The following PCDH15 variants were observed in gnomAD, a reference collection of about 807,000 sequenced individuals.
The protein encoded by PCDH15 is protocadherin related 15.
In PCDH15, 129 loss-of-function variants were observed where a neutral mutation model predicts 178.5. The ratio of observed to expected loss-of-function variants is 0.72; its 90% CI spans 0.63 to 0.84. The LOEUF is 0.84. PCDH15 is among the 40% of genes least tolerant of loss of function. PCDH15 has a pLI of 0.00. For missense variants in PCDH15, 2,230 were observed against 2,099.9 expected (o/e 1.06, Z -1.21); for synonymous variants, 800 against 732.0 (o/e 1.09, Z -1.50).
intron 6 of PCDH15, among the ~76,000 whole-genome samples, chr10:54,332,069 C>A (rs1448765668): frequency 6.6e-6 from 1 of 150,380 alleles, no homozygotes; most frequent in African/African-American, 2.4e-5. Flanking sequence ...GGAGAAATAG[C>A]TAACATGCTA....
intron 3 of PCDH15, among the ~76,000 whole-genome samples, chr10:54,480,308 AGTT>A (rs1475143401): frequency 6.6e-6 from 1 of 152,080 alleles, no homozygotes; most frequent in Non-Finnish European, 1.5e-5. Context: ...GACATTTAGT[AGTT>A]AAGAGACTTG....
At chr10:53,875,560 G>A (rs1301526417) in intron 26 of PCDH15, among the ~76,000 whole-genome samples, 17 of 151,850 alleles carry the variant, frequency 1.1e-4, no homozygotes, top group Admixed American at 1.1e-3. Flanking sequence ...TGGGAGAGGT[G>A]ACTCTGGAAG....
intron 3 of PCDH15, among the ~76,000 whole-genome samples, chr10:54,811,506 C>G (rs1238533484): frequency 6.6e-6 from 1 of 152,110 alleles, no homozygotes; most frequent in African/African-American, 2.4e-5. Flanking sequence ...TATTTGTGCT[C>G]TGTCACCAGA....
chr10:54,188,466 T>C (rs2048674405), intron 11 of PCDH15, among the ~76,000 whole-genome samples: 1 of 151,748 alleles, frequency 6.6e-6, no homozygotes, highest in Non-Finnish European at 1.5e-5. Context: ...ACACAGAGAG[T>C]TGATTAAAAA....
chr10:55,438,958 G>A (rs1043739182), intron 2 of PCDH15, among the ~76,000 whole-genome samples: 2 of 151,744 alleles, frequency 1.3e-5, no homozygotes, highest in South Asian at 4.2e-4. Flanking sequence ...GAGTGCAGTG[G>A]CACGATCTCG....
At chr10:55,525,745 G>A (rs1002158708) in intron 2 of PCDH15, among the ~76,000 whole-genome samples, 5 of 151,734 alleles carry the variant, frequency 3.3e-5, no homozygotes, top group Middle Eastern at 3.2e-3. Context: ...AATATAGCAC[G>A]TTCTTTTAAA....
At chr10:54,367,966 G>A (rs989878834) in intron 5 of PCDH15, among the ~76,000 whole-genome samples, 3 of 151,782 alleles carry the variant, frequency 2.0e-5, no homozygotes, top group African/African-American at 7.2e-5. Flanking sequence ...TTCAAAATAA[G>A]ATCATTTATA....
chr10:54,734,257 C>T (rs1025256622), intron 1 of PCDH15, among the ~76,000 whole-genome samples: 4 of 151,816 alleles, frequency 2.6e-5, no homozygotes, highest in African/African-American at 7.2e-5. Flanking sequence ...AAGTTCAGTA[C>T]AGGCACTTTA....
chr10:54,980,702 T>C (rs1282856120), intron 2 of PCDH15, among the ~76,000 whole-genome samples: 1 of 152,140 alleles, frequency 6.6e-6, no homozygotes, highest in African/African-American at 2.4e-5. Flanking sequence ...TTCTCTACTT[T>C]TCTTTATGTT....
At chr10:54,701,662 A>C (rs1005920423) in intron 1 of PCDH15, among the ~76,000 whole-genome samples, 8 of 152,166 alleles carry the variant, frequency 5.3e-5, no homozygotes, top group Non-Finnish European at 4.4e-5. Flanking sequence ...ATTTTAATTT[A>C]AGAAAAAACA....
chr10:54,023,445 G>T (rs892278269), intron 18 of PCDH15, among the ~76,000 whole-genome samples: 1 of 150,722 alleles, frequency 6.6e-6, no homozygotes, highest in East Asian at 1.9e-4. Context: ...ACTATGTTAT[G>T]ACAGAAAACT....
At chr10:54,179,575 T>C (rs2047781648) in intron 13 of PCDH15, among the ~76,000 whole-genome samples, 1 of 151,874 alleles carries the variant, frequency 6.6e-6, no homozygotes, top group Admixed American at 6.6e-5. Context: ...ATAATAATAA[T>C]AAAATAAAAT....
chr10:55,561,867 C>T (rs547516975), intron 2 of PCDH15, among the ~76,000 whole-genome samples: 1 of 151,912 alleles, frequency 6.6e-6, no homozygotes, highest in Admixed American at 6.6e-5. Context: ...ACAGTCATAA[C>T]ATTTGCTAGT....
chr10:54,666,224 A>G (rs1431565573), intron 1 of PCDH15, among the ~76,000 whole-genome samples: 1 of 152,040 alleles, frequency 6.6e-6, no homozygotes, highest in Non-Finnish European at 1.5e-5. Context: ...AAAGTCTTAA[A>G]TACAGATTTA....
At chr10:54,431,479 A>G (rs1207381039) in intron 3 of PCDH15, among the ~76,000 whole-genome samples, 1 of 152,214 alleles carries the variant, frequency 6.6e-6, no homozygotes, top group Admixed American at 6.5e-5. Context: ...GTGATACAGC[A>G]TATCAACAGA....
At chr10:54,753,447 G>A (rs1946609319) in intron 1 of PCDH15, among the ~76,000 whole-genome samples, 1 of 152,002 alleles carries the variant, frequency 6.6e-6, no homozygotes. Context: ...GCCTCTAAAG[G>A]GCTGGGATTA....
intron 1 of PCDH15, among the ~76,000 whole-genome samples, chr10:55,188,152 T>A (rs1196927922): frequency 6.6e-6 from 1 of 152,006 alleles, no homozygotes; most frequent in Non-Finnish European, 1.5e-5. Flanking sequence ...AACTGCTCAC[T>A]GTGTGGTGTT....
At position 53,866,764 on chromosome 10, in the gene PCDH15, T is replaced by C; in HGVS notation, c.3595A>G (p.Thr1199Ala). 1 of 1,613,444 alleles carries C rather than the reference T, an allele frequency of 6.2e-7. No individual in the cohort carries two copies. The highest frequency in any genetic ancestry group is 1.1e-5 in the South Asian group (1 of 91,078). The change falls in exon 27 of 38, where the codon ACA (threonine) becomes GCA (alanine). Residue 1199 changes from threonine to alanine, a missense_variant. Thr to Ala is a moderately conservative substitution (Grantham distance 58). Transcript: ENST00000644397. ...GCAGTTTTGATAAGCCCTGTATATGTTTCCACTACAAATCCTTCTTTTCCC... is the reference window on the plus strand; with the variant it reads ...GCAGTTTTGATAAGCCCTGTATATGCTTCCACTACAAATCCTTCTTTTCCC... Reference protein sequence around the residue: ...KEGKEGFVVETYTGLIKTAML... With the variant: ...KEGKEGFVVEAYTGLIKTAML...
At chr10:54,889,794 A>G (rs1353545459) in intron 3 of PCDH15, among the ~76,000 whole-genome samples, 1 of 151,778 alleles carries the variant, frequency 6.6e-6, no homozygotes, top group Non-Finnish European at 1.5e-5. Context: ...ACATTCTTTA[A>G]AGAGAATGTG....
Sources: gnomAD v4.1 joint callset for allele counts (sites outside exome capture counted in the v4.1 genomes callset) on GRCh38, gnomAD v4.1.1 for gene constraint, MANE v1.5 for transcripts, NCBI Gene and HGNC (gene_info 2026-07-23, HGNC 2026-07-21) for gene names.